COG6: variants seen among roughly 807,000 people sequenced by gnomAD.
COG6 encodes the protein conserved oligomeric Golgi complex subunit 6.
Under a neutral mutation model 88.8 loss-of-function variants are expected in COG6, and 74 were observed. The observed-to-expected ratio is 0.83, with a 90% CI of 0.69 to 1.01. The LOEUF (loss-of-function observed/expected upper bound fraction) is 1.01, where lower values mean the gene tolerates loss of function less well. Ranked by LOEUF, COG6 falls within the 50% of genes least tolerant of loss-of-function variation. The pLI is 0.00. For missense variants in COG6, 800 were observed against 797.9 expected (o/e 1.00, Z -0.03); for synonymous variants, 286 against 278.7 (o/e 1.03, Z -0.26).
At chr13:39,667,301 C>G (rs914867227) in intron 4 of COG6, among the ~76,000 whole-genome samples, 2 of 151,982 alleles carry the variant, frequency 1.3e-5, no homozygotes, top group Non-Finnish European at 2.9e-5. Flanking sequence ...GCATTTAATC[C>G]CCTTTTTGTT....
At chr13:39,728,554 G>A (rs1239383481) in intron 18 of COG6, among the ~76,000 whole-genome samples, 1 of 148,106 alleles carries the variant, frequency 6.8e-6, no homozygotes, top group South Asian at 2.1e-4. Context: ...ATTTTTTTTT[G>A]TGACCTTTAT....
chr13:39,719,043 C>G (rs1266421357), intron 13 of COG6, among the ~76,000 whole-genome samples, 193 bp from the exon 14 acceptor site: 1 of 152,110 alleles, frequency 6.6e-6, no homozygotes, highest in African/African-American at 2.4e-5. Flanking sequence ...CTGAGATAAT[C>G]TGACAAAGAA....
chr13:39,705,810 G>A (rs1351164627), intron 13 of COG6, among the ~76,000 whole-genome samples: 1 of 152,002 alleles, frequency 6.6e-6, no homozygotes, highest in Non-Finnish European at 1.5e-5. Context: ...GATATCTCAG[G>A]TCCTGCTCCA....
chr13:39,662,142 A>ATTTTTTTTT (rs10629485), intron 3 of COG6, among the ~76,000 whole-genome samples: 1 of 130,654 alleles, frequency 7.7e-6, no homozygotes, highest in Non-Finnish European at 1.6e-5. Flanking sequence ...TGTCCTTTGT[A>ATTTTTTTTT]TTTTTTTTTT....
At position 39,719,151 on chromosome 13, in the gene COG6, AT is replaced by A. The variant is rs5803008; in HGVS notation, c.1285-76del. ...TGAGTCTGTGCTTTATAACTTTTAC[AT>A]TTTTTTTTACTATGAACTTACATTT... On this transcript the variant is annotated intron_variant, in intron 13 of 18. Coordinates refer to ENST00000455146, the MANE Select transcript of COG6 (RefSeq NM_020751.3). 1 allele frequency: 1,327,797 copies of A among 1,332,594 alleles called. 661,597 individuals are homozygous for A. Among genetic ancestry groups the A allele is most frequent in the South Asian group, 1 (82,880 of 82,926 alleles). 82.5% of individuals were successfully genotyped at this position (1,332,594 alleles called of 1,614,324 possible).
chr13:39,749,297 C>A (rs1880502041), intron 18 of COG6, among the ~76,000 whole-genome samples: 1 of 152,152 alleles, frequency 6.6e-6, no homozygotes, highest in Non-Finnish European at 1.5e-5. Context: ...CCATCATATT[C>A]AAAATATACT....
At chr13:39,676,110 A>G (rs1306009920) in intron 4 of COG6, among the ~76,000 whole-genome samples, 3 of 152,110 alleles carry the variant, frequency 2.0e-5, no homozygotes, top group Non-Finnish European at 4.4e-5. Flanking sequence ...CTAGTTTGTA[A>G]TAGAACAGTA....
At chr13:39,755,170 C>A (rs187462097), downstream of COG6, among the ~76,000 whole-genome samples, 64 of 152,130 alleles carry the variant, frequency 4.2e-4, no homozygotes, top group Admixed American at 1.2e-3. Flanking sequence ...ATCACAGTAA[C>A]CTGAGTTACT....
Position 39,680,880 on chromosome 13 carries a change from T to A in COG6, c.694+835T>A, listed in dbSNP as rs114180149. Among the ~76,000 whole-genome samples, 1,235 of 152,314 alleles carry A rather than the reference T, an allele frequency of 8.1e-3. 20 individuals carry two copies. Among genetic ancestry groups the A allele is most frequent in the African/African-American group, 0.028 (1,169 of 41,560 alleles). On this transcript the variant is annotated intron_variant, in intron 7 of 18. Coordinates refer to ENST00000455146, the MANE Select transcript of COG6 (RefSeq NM_020751.3). Reference sequence around the variant, plus strand: ...GCCTGTGTGATTACCTTGGACCCACTTGGGTAATCTGAGAAAATCTCTCCA... The same window carrying A: ...GCCTGTGTGATTACCTTGGACCCACATGGGTAATCTGAGAAAATCTCTCCA...
intron 4 of COG6, among the ~76,000 whole-genome samples, chr13:39,666,411 A>G (rs1474586903): frequency 1.3e-5 from 2 of 152,180 alleles, no homozygotes; most frequent in Non-Finnish European, 2.9e-5. Flanking sequence ...TAAAAAATAA[A>G]TAAGTAAAAA....
chr13:39,746,060 A>C (rs1056065960), intron 18 of COG6, among the ~76,000 whole-genome samples: 2 of 152,022 alleles, frequency 1.3e-5, no homozygotes, highest in Admixed American at 1.3e-4. Context: ...AGGGCGGGGA[A>C]CATCACACCC....
At chr13:39,777,476 G>C (rs1475452421) in intron 18 of COG6, among the ~76,000 whole-genome samples, 1 of 152,184 alleles carries the variant, frequency 6.6e-6, no homozygotes, top group East Asian at 1.9e-4. Flanking sequence ...AAAAATGTGA[G>C]AGTTGTTGGA....
chr13:39,665,392 G>T (rs1044596377), intron 4 of COG6, among the ~76,000 whole-genome samples: 3 of 152,110 alleles, frequency 2.0e-5, no homozygotes, highest in Non-Finnish European at 4.4e-5. Context: ...ATGATGTATC[G>T]TTATTGTTTG....
intron 18 of COG6, among the ~76,000 whole-genome samples, chr13:39,740,485 A>T (rs1352375101): frequency 6.6e-6 from 1 of 152,240 alleles, no homozygotes; most frequent in African/African-American, 2.4e-5. Flanking sequence ...AATTGAATCA[A>T]GGTCAAAAAA....
At chr13:39,748,249 T>C (rs913975970) in intron 18 of COG6, among the ~76,000 whole-genome samples, 2 of 152,196 alleles carry the variant, frequency 1.3e-5, no homozygotes, top group Admixed American at 1.3e-4. Context: ...GAAAAATAAT[T>C]TTTGCATTAT....
At chr13:39,698,540 G>A (rs1877401105) in intron 12 of COG6, among the ~76,000 whole-genome samples, 1 of 151,722 alleles carries the variant, frequency 6.6e-6, no homozygotes, top group Non-Finnish European at 1.5e-5. Context: ...TTTGGTTTCG[G>A]AATTGTACTG....
intron 18 of COG6, among the ~76,000 whole-genome samples, chr13:39,734,899 G>A (rs1341794380): frequency 6.6e-6 from 1 of 151,938 alleles, no homozygotes; most frequent in African/African-American, 2.4e-5. Context: ...TATTTTTTCT[G>A]ATATAAATAA....
intron 18 of COG6, among the ~76,000 whole-genome samples, chr13:39,750,173 TACCATGAGTACCATGAGA>T (rs1229260898): frequency 2.0e-5 from 3 of 151,860 alleles, no homozygotes; most frequent in African/African-American, 7.3e-5. Context: ...TCATGGCCAG[TACCATGAGTACCATGAGA>T]ACCATGAGTA....
chr13:39,723,588 C>T, intron 16 of COG6, 148 bp downstream of exon 16: 7 of 649,840 alleles, frequency 1.1e-5, no homozygotes, highest in African/African-American at 3.6e-5. Context: ...TGTTTCCTTA[C>T]CTGTGGATTG....
Sources: gnomAD v4.1 joint callset for allele counts (sites outside exome capture counted in the v4.1 genomes callset) on GRCh38, gnomAD v4.1.1 for gene constraint, MANE v1.5 for transcripts, NCBI Gene and HGNC (gene_info 2026-07-23, HGNC 2026-07-21) for gene names.